ZNF423: variants seen among roughly 807,000 people sequenced by gnomAD.
ZNF423 encodes the protein zinc finger protein 423, also known as Ebf-associated zinc finger protein.
ZNF423 carries 12 observed loss-of-function variants against 95.8 expected under a neutral mutation model. That is an observed-to-expected ratio of 0.13 (90% CI 0.08 to 0.20). The LOEUF is 0.20. ZNF423 is among the 10% of genes least tolerant of loss of function. The pLI is 1.00. For synonymous variants in ZNF423, 749 were observed against 711.9 expected, an observed-to-expected ratio of 1.05 and a Z score of -0.83; for missense variants, 1,316 against 1,737.1, an observed-to-expected ratio of 0.76 and a Z score of 4.31.
chr16:49,821,379 A>G (rs1448735473), intron 1 of ZNF423, among the ~76,000 whole-genome samples: 1 of 152,118 alleles, frequency 6.6e-6, no homozygotes, highest in Non-Finnish European at 1.5e-5. Context: ...TTAAATCCAG[A>G]AAGAAAAATG....
At chr16:49,654,561 C>A in intron 3 of ZNF423, among the ~76,000 whole-genome samples, 1 of 152,222 alleles carries the variant, frequency 6.6e-6, no homozygotes, top group East Asian at 1.9e-4. Flanking sequence ...TGGAAATGCA[C>A]AGATGAGGTG....
chr16:49,739,771 T>C (rs1448426981), intron 2 of ZNF423, among the ~76,000 whole-genome samples: 3 of 145,312 alleles, frequency 2.1e-5, no homozygotes, highest in Non-Finnish European at 4.5e-5. Context: ...CGATCTCAGC[T>C]CACTGCAGCC....
chr16:49,562,611 G>A lies in ZNF423; in HGVS notation c.3602-37117C>T, dbSNP rs369399946. Among the ~76,000 whole-genome samples the A allele has an allele frequency of 2.6e-4, 40 of 152,332 alleles. 1 individual carries two copies. The highest frequency in any genetic ancestry group is 3.4e-3 in the Middle Eastern group (1 of 294). ...TTGTAATGGGTGAGTTCCCCATCATGGGAGGCATTCAAGGAAAGCTGGGCA... is the reference window on the plus strand; with the variant it reads ...TTGTAATGGGTGAGTTCCCCATCATAGGAGGCATTCAAGGAAAGCTGGGCA... On this transcript the variant is annotated intron_variant, in intron 5 of 7. Coordinates refer to ENST00000563137, the MANE Select transcript of ZNF423 (RefSeq NM_001379286.1).
chr16:49,789,210 G>T (rs1567343594), intron 2 of ZNF423, among the ~76,000 whole-genome samples: 1 of 152,226 alleles, frequency 6.6e-6, no homozygotes, highest in South Asian at 2.1e-4. Flanking sequence ...GAGCTTCAAG[G>T]CTTGTGCAGT....
chr16:49,856,183 GC>G (rs2035367538), upstream of ZNF423: 1 of 59,440 alleles, frequency 1.7e-5, no homozygotes, highest in Non-Finnish European at 3.3e-5. Flanking sequence ...CCGGCCCCCG[GC>G]CCCTGCGGCC....
chr16:49,665,982 G>T (rs559461174), intron 3 of ZNF423, among the ~76,000 whole-genome samples: 1 of 152,136 alleles, frequency 6.6e-6, no homozygotes, highest in Non-Finnish European at 1.5e-5. Flanking sequence ...TGGCTGTCCC[G>T]AGTGGGCCCC....
At chr16:49,669,734 C>T (rs2030719947) in intron 3 of ZNF423, among the ~76,000 whole-genome samples, 1 of 151,986 alleles carries the variant, frequency 6.6e-6, no homozygotes, top group Middle Eastern at 3.4e-3. Flanking sequence ...ATCCAGGTCA[C>T]CCCCCACACA....
chr16:49,713,242 C>A (rs966261465), intron 3 of ZNF423, among the ~76,000 whole-genome samples: 2 of 152,226 alleles, frequency 1.3e-5, no homozygotes, highest in Admixed American at 1.3e-4. Context: ...CTCCCCCACA[C>A]AAATCACACA....
Position 49,638,371 on chromosome 16 carries a change from C to T in ZNF423, c.805G>A (p.Asp269Asn). Residue 269 changes from aspartate (D) to asparagine (N), a missense_variant, in exon 4 of 8, where the codon GAC (aspartate) becomes AAC (asparagine). Coordinates refer to ENST00000563137, the MANE Select transcript of ZNF423 (RefSeq NM_001379286.1). The surrounding 1 kb of genome is among the most constrained non-coding windows in gnomAD (Gnocchi z 5.6). ...TCGCAGTAGTCGCACATGAAGTCGT[C>T]CTTCTTGGCTTCCTTCTCCGACTTG... ...LAKSEKEAKK[D>N]DFMCDYCEDT... 2 of 1,614,076 alleles carry T rather than the reference C, an allele frequency of 1.2e-6. No homozygotes were observed. The highest frequency in any genetic ancestry group is 2.7e-5 in the African/African-American group (2 of 75,056).
At chr16:49,824,476 T>A (rs1759753333) in intron 1 of ZNF423, among the ~76,000 whole-genome samples, 1 of 151,536 alleles carries the variant, frequency 6.6e-6, no homozygotes, top group Non-Finnish European at 1.5e-5. Flanking sequence ...GTGGGGGAGG[T>A]GTGCTGTTGC....
In ZNF423 at chr16:49,783,628, GA is replaced by G. The variant is rs1465571299; in HGVS notation, c.100+5858del. On this transcript the variant is annotated intron_variant, in intron 2 of 7. Coordinates refer to ENST00000563137, the MANE Select transcript of ZNF423 (RefSeq NM_001379286.1). The stretch of plus-strand genomic sequence containing the variant: ...GTACAAGGCTGGGATTGGCGGGAGA[GA>G]GGGGGGGTTAGGGTTAGGGCTAGTG... Among the ~76,000 whole-genome samples the G allele has an allele frequency of 7.6e-5, 11 of 145,090 alleles. No homozygotes were observed. The East Asian group carries it at 1.9e-3, about 25-fold the overall frequency.
chr16:49,857,531 T>C (rs537010420), upstream of ZNF423, among the ~76,000 whole-genome samples: 5 of 152,158 alleles, frequency 3.3e-5, no homozygotes, highest in Non-Finnish European at 7.4e-5. The surrounding 1 kb of genome is among the most constrained non-coding windows in gnomAD (Gnocchi z 6.2). Flanking sequence ...CACCTCGCGA[T>C]GTATGCCTCA....
At chr16:49,627,699 C>T (rs1972345988) in intron 4 of ZNF423, among the ~76,000 whole-genome samples, 1 of 151,502 alleles carries the variant, frequency 6.6e-6, no homozygotes. Context: ...CATCCTCCAT[C>T]TACCCATCCA....
chr16:49,801,320 AGCTC>A (rs2034579962), intron 1 of ZNF423, among the ~76,000 whole-genome samples: 1 of 152,232 alleles, frequency 6.6e-6, no homozygotes, highest in African/African-American at 2.4e-5. Flanking sequence ...ATGTTTCCTC[AGCTC>A]CTGCCTGAAA....
chr16:49,570,232 C>G (rs1180448228), intron 5 of ZNF423, among the ~76,000 whole-genome samples: 1 of 152,156 alleles, frequency 6.6e-6, no homozygotes, highest in Non-Finnish European at 1.5e-5. Context: ...CATCGTGACC[C>G]TTTAGTGAAG....
chr16:49,615,130 T>TCACACACACACACACACA lies in ZNF423; in HGVS notation c.3601+11022_3601+11039dup, dbSNP rs61428028. On this transcript the variant is annotated intron_variant, in intron 5 of 7. Coordinates refer to ENST00000563137, the MANE Select transcript of ZNF423 (RefSeq NM_001379286.1). ...TGGGCAACAAGAAAGAAACTCCATC[T>TCACACACACACACACACA]CACACACACACACACACACACACAC... 4.5e-3 allele frequency among the ~76,000 whole-genome samples: 630 copies of TCACACACACACACACACA among 141,222 alleles called. 6 individuals are homozygous for TCACACACACACACACACA. Among genetic ancestry groups the TCACACACACACACACACA allele is most frequent in the African/African-American group, 0.016 (582 of 36,766 alleles). 92.6% of individuals were successfully genotyped at this position (141,222 alleles called of 152,430 possible).
At chr16:49,740,724 G>A (rs1294875598) in intron 2 of ZNF423, among the ~76,000 whole-genome samples, 2 of 152,130 alleles carry the variant, frequency 1.3e-5, no homozygotes, top group African/African-American at 2.4e-5. Flanking sequence ...ACCTGACCTC[G>A]GCTACATCAC....
chr16:49,590,616 C>T (rs1046764217), intron 5 of ZNF423, among the ~76,000 whole-genome samples: 23 of 152,280 alleles, frequency 1.5e-4, no homozygotes, highest in Non-Finnish European at 7.4e-5. Flanking sequence ...GCCGTTCCCC[C>T]AGCCCTGTGC....
rs1383869425 is a variant in ZNF423, at chr16:49,612,223, C to G, written c.3601+13947G>C. 2.0e-5 allele frequency among the ~76,000 whole-genome samples: 3 copies of G among 151,696 alleles called. No individual in the cohort carries two copies. The East Asian group carries it at 5.8e-4, about 29-fold the overall frequency. On this transcript the variant is annotated intron_variant, in intron 5 of 7. Transcript: ENST00000563137. ...CCAATATCCCTCATAAACACAGATA[C>G]AAAAATCCCTGACGAAGTATTAGCA...
Sources: allele counts gnomAD v4.1 joint callset (sites outside exome capture counted in the v4.1 genomes callset), GRCh38; gene constraint gnomAD v4.1.1; non-coding constraint Gnocchi (gnomAD v3.1); transcripts MANE v1.5; gene names NCBI Gene and HGNC (gene_info 2026-07-23, HGNC 2026-07-21).